CACNA1E: variants seen among roughly 807,000 people sequenced by gnomAD.
CACNA1E encodes the protein calcium voltage-gated channel subunit alpha1 E.
Under a neutral mutation model 259.2 loss-of-function variants are expected in CACNA1E, and 40 were observed. That is an observed-to-expected ratio of 0.15 (90% confidence interval 0.12 to 0.20). CACNA1E has a LOEUF of 0.20. CACNA1E is among the 10% of genes least tolerant of loss of function. The pLI is 1.00. For missense variants in CACNA1E, 1,874 were observed against 3,040.1 expected (o/e 0.62, Z 9.02); for synonymous variants, 1,104 against 1,138.5 (o/e 0.97, Z 0.61).
rs528501798 is a variant in CACNA1E, at chr1:181,697,947, G to A, written c.1056-13007G>A. On this transcript the variant is annotated intron_variant, in intron 7 of 47. Coordinates refer to ENST00000367573, the MANE Select transcript of CACNA1E (RefSeq NM_001205293.3). Reference sequence around the variant, plus strand: ...AGGAGTATTTAGAAGTCTATGCTGGGGTGGGGGTTATGGTCCAAGCTGGAA... The same window carrying A: ...AGGAGTATTTAGAAGTCTATGCTGGAGTGGGGGTTATGGTCCAAGCTGGAA... Among the ~76,000 whole-genome samples the A allele has an allele frequency of 1.8e-4, 28 of 152,298 alleles. No individual in the cohort carries two copies. The South Asian group carries it at 5.4e-3, about 29-fold the overall frequency.
At chr1:181,734,287 T>C (rs1343978147) in intron 21 of CACNA1E, among the ~76,000 whole-genome samples, 1 of 152,024 alleles carries the variant, frequency 6.6e-6, no homozygotes, top group African/African-American at 2.4e-5. Flanking sequence ...ACTCTTTTTC[T>C]CCTAGGAGCT....
chr1:181,650,533 G>A (rs1658662887), intron 6 of CACNA1E, among the ~76,000 whole-genome samples: 1 of 152,134 alleles, frequency 6.6e-6, no homozygotes, highest in Admixed American at 6.5e-5. Context: ...TTAGTTGAGT[G>A]GTACAGCTTT....
At chr1:181,626,080 A>G (rs1656172937) in intron 6 of CACNA1E, among the ~76,000 whole-genome samples, 2 of 152,234 alleles carry the variant, frequency 1.3e-5, no homozygotes, top group Non-Finnish European at 2.9e-5. Context: ...ATACCAACTT[A>G]CATAAACATG....
chr1:181,763,805 A>T (rs1658794141), intron 34 of CACNA1E, among the ~76,000 whole-genome samples: 1 of 152,186 alleles, frequency 6.6e-6, no homozygotes, highest in Non-Finnish European at 1.5e-5. Context: ...GAGGCAGGGG[A>T]CACATTTTAT....
chr1:181,445,847 A>T (rs1660758509), intron 2 of CACNA1E, among the ~76,000 whole-genome samples: 1 of 152,146 alleles, frequency 6.6e-6, no homozygotes. Context: ...GCATCTTTTC[A>T]CCTTTGCACA....
At chr1:181,473,208 C>T (rs1419825357) in intron 2 of CACNA1E, among the ~76,000 whole-genome samples, 1 of 152,124 alleles carries the variant, frequency 6.6e-6, no homozygotes, top group Non-Finnish European at 1.5e-5. Context: ...CCTTACTGAC[C>T]TCTCCAGAGT....
intron 6 of CACNA1E, among the ~76,000 whole-genome samples, chr1:181,604,307 C>A (rs1190181184): frequency 6.6e-6 from 1 of 152,166 alleles, no homozygotes. Flanking sequence ...AACCAGGACC[C>A]CCAGACCCCA....
intron 6 of CACNA1E, among the ~76,000 whole-genome samples, chr1:181,637,860 G>A (rs1657382131): frequency 1.3e-5 from 2 of 152,134 alleles, no homozygotes; most frequent in African/African-American, 4.8e-5. Flanking sequence ...GGTAGGAAAG[G>A]CATTATAGGC....
At chr1:181,594,888 C>T (rs1177825886) in intron 6 of CACNA1E, among the ~76,000 whole-genome samples, 2 of 152,070 alleles carry the variant, frequency 1.3e-5, no homozygotes, top group Admixed American at 6.5e-5. Context: ...ATGTGCCTTA[C>T]GAATTTAAGG....
intron 3 of CACNA1E, among the ~76,000 whole-genome samples, chr1:181,562,526 C>T (rs536510669): frequency 6.6e-6 from 1 of 152,252 alleles, no homozygotes; most frequent in South Asian, 2.1e-4. Flanking sequence ...ATGTGATGCT[C>T]CATGCCAGGA....
intron 2 of CACNA1E, among the ~76,000 whole-genome samples, chr1:181,415,015 C>G (rs1202995900): frequency 6.6e-6 from 1 of 152,220 alleles, no homozygotes; most frequent in Non-Finnish European, 1.5e-5. Flanking sequence ...GTCACCTCAT[C>G]ATGACTTCGA....
At chr1:181,772,304 C>T (rs757279466) in intron 37 of CACNA1E, 73 bp downstream of exon 37, 237 of 1,459,270 alleles carry the variant, frequency 1.6e-4, no homozygotes, top group Admixed American at 2.5e-4. Context: ...ATACATAGAC[C>T]GGAGATGTTT....
chr1:181,642,714 C>T (rs549878502), intron 6 of CACNA1E, among the ~76,000 whole-genome samples: 9 of 152,288 alleles, frequency 5.9e-5, no homozygotes, highest in African/African-American at 2.2e-4. Flanking sequence ...CCTGCTTTGG[C>T]TGATCTGCAT....
intron 2 of CACNA1E, among the ~76,000 whole-genome samples, chr1:181,443,501 T>C (rs1660624659): frequency 1.3e-5 from 2 of 152,202 alleles, no homozygotes; most frequent in African/African-American, 4.8e-5. Flanking sequence ...TGAGGCCTGG[T>C]ATTCTAAAAC....
chr1:181,518,719 T>C (rs928123208), intron 3 of CACNA1E, among the ~76,000 whole-genome samples: 17 of 152,168 alleles, frequency 1.1e-4, no homozygotes, highest in Non-Finnish European at 5.9e-5. Flanking sequence ...AGATGCACCA[T>C]TGGTTCACTC....
chr1:181,626,169 A>T, intron 6 of CACNA1E, among the ~76,000 whole-genome samples: 1 of 152,246 alleles, frequency 6.6e-6, no homozygotes, highest in Non-Finnish European at 1.5e-5. Context: ...ATATAATAAT[A>T]ATGAAAAATT....
chr1:181,399,812 C>T (rs1373503600), intron 1 of CACNA1E, among the ~76,000 whole-genome samples: 5 of 152,170 alleles, frequency 3.3e-5, no homozygotes, highest in Non-Finnish European at 5.9e-5. Flanking sequence ...TGATGATTTT[C>T]TTTGGTAAGG....
At chr1:181,400,494 C>T (rs1405405381) in intron 1 of CACNA1E, among the ~76,000 whole-genome samples, 7 of 152,088 alleles carry the variant, frequency 4.6e-5, no homozygotes, top group South Asian at 2.1e-4. Flanking sequence ...CACCTCTCCC[C>T]CACCACATCA....
intron 7 of CACNA1E, among the ~76,000 whole-genome samples, chr1:181,667,657 C>A (rs1648368767): frequency 6.6e-6 from 1 of 151,782 alleles, no homozygotes; most frequent in Non-Finnish European, 1.5e-5. Context: ...TCTAGAAACA[C>A]CATTTAAGAG....
Sources: allele counts gnomAD v4.1 joint callset (sites outside exome capture counted in the v4.1 genomes callset), GRCh38; gene constraint gnomAD v4.1.1; transcripts MANE v1.5; gene names NCBI Gene and HGNC (gene_info 2026-07-23, HGNC 2026-07-21).